PHKA2: variants seen among roughly 807,000 people sequenced by gnomAD.
The protein encoded by PHKA2 is phosphorylase kinase regulatory subunit alpha 2.
PHKA2 carries 31 observed loss-of-function variants against 102.0 expected under a neutral mutation model. That is an observed-to-expected ratio of 0.30 (90% CI 0.23 to 0.41). The LOEUF is 0.41. Ranked by LOEUF, PHKA2 falls within the 10% of genes least tolerant of loss-of-function variation. PHKA2 has a pLI of 1.00. For missense variants in PHKA2, 858 were observed against 1,023.1 expected (o/e 0.84, Z 2.20); for synonymous variants, 455 against 416.2 (o/e 1.09, Z -1.13).
At chrX:18,938,001 G>A (rs1158955031) in intron 10 of PHKA2, among the ~76,000 whole-genome samples, 1 of 112,246 alleles carries the variant, frequency 8.9e-6, no homozygotes, top group African/African-American at 3.2e-5. Context: ...AAACCTGTCT[G>A]TGATGGAATG....
intron 7 of PHKA2, among the ~76,000 whole-genome samples, chrX:18,942,463 G>A (rs2048508671): frequency 9.0e-6 from 1 of 111,673 alleles, no homozygotes; most frequent in South Asian, 3.7e-4. Flanking sequence ...ACTTCGAGCA[G>A]CTAGTAAGTG....
chrX:18,903,062 T>C (rs2047727996), intron 26 of PHKA2, among the ~76,000 whole-genome samples: 1 of 112,468 alleles, frequency 8.9e-6, no homozygotes, highest in Non-Finnish European at 1.9e-5. Flanking sequence ...TTTTTCCCTA[T>C]GACTGTGTAT....
intron 12 of PHKA2, among the ~76,000 whole-genome samples, chrX:18,930,643 G>A (rs2048298220): frequency 9.0e-6 from 1 of 111,444 alleles, no homozygotes; most frequent in Non-Finnish European, 1.9e-5. Flanking sequence ...GAGAACTAGT[G>A]AGAGACAGGG....
chrX:18,940,104 T>A, intron 8 of PHKA2, 56 bp from the exon 9 acceptor site: 1 of 808,458 alleles, frequency 1.2e-6, no homozygotes, highest in Non-Finnish European at 1.9e-6. Context: ...CCTTTTTAAT[T>A]CAAGTCAGCC....
At chrX:18,963,123 C>G (rs938674705) in intron 1 of PHKA2, among the ~76,000 whole-genome samples, 1 of 112,875 alleles carries the variant, frequency 8.9e-6, no homozygotes, top group Admixed American at 9.3e-5. Context: ...GCCTGTCCAG[C>G]CCCTGTCTCC....
intron 18 of PHKA2, among the ~76,000 whole-genome samples, chrX:18,919,728 C>CAAAAAAAAAAAAAAAAA (rs56042937): frequency 1.5e-4 from 4 of 27,526 alleles, no homozygotes; most frequent in Admixed American, 5.3e-4. Context: ...CAAACAACAA[C>CAAAAAAAAAAAAAAAAA]AAAAAAAAAA....
At chrX:18,938,774 T>C in intron 9 of PHKA2, 25 bp from the exon 10 acceptor site, 4 of 1,180,556 alleles carry the variant, frequency 3.4e-6, no homozygotes, top group Non-Finnish European at 4.6e-6. Flanking sequence ...GTCAAACTTT[T>C]AAAAGGTGAT....
rs778307231 is a variant in PHKA2 at position 18,906,674 on chromosome X, T to C, written c.2677-50A>G. On this transcript the variant is annotated intron_variant, in intron 24 of 32. Transcript: ENST00000379942. ...GGGTTTCAGAGACAGGGTGAGTGGC[T>C]GAAGGGTCCCCTCCACTCTGAGGAA... 7 of 1,182,856 alleles carry C rather than the reference T, an allele frequency of 5.9e-6. No individual in the cohort carries two copies. The South Asian group carries it at 7.1e-5, about 12-fold the overall frequency.
At position 18,897,284 on chromosome X, in the gene PHKA2, C is replaced by T. The variant is rs1345723675; in HGVS notation, c.3161G>A (p.Gly1054Glu). Residue 1054 changes from glycine (G) to glutamate (E), a missense_variant, in exon 30 of 33, where the codon GGA becomes GAA. Physicochemically the swap from Gly to Glu is moderately conservative, Grantham distance 98 (BLOSUM62 -2). Around this residue, in one of 2 missense-constraint regions of PHKA2, gnomAD observed 671 missense variants for 745.2 expected, o/e 0.90. Coordinates refer to ENST00000379942, the MANE Select transcript of PHKA2 (RefSeq NM_000292.3). ...CTCACCCCAGCCGATGTGATGTCCT[C>T]CCGAGTCTGAGGATGACGTGCCAGT... ...SPTGTSSSDS[G>E]GHHIGWGERQ... The T allele has an allele frequency of 8.3e-7, 1 of 1,209,423 alleles. No homozygotes were observed. The highest frequency in any genetic ancestry group is 1.1e-6 in the Non-Finnish European group (1 of 895,101).
intron 29 of PHKA2, chrX:18,897,621 G>A: frequency 2.8e-6 from 1 of 353,933 alleles, no homozygotes; most frequent in Non-Finnish European, 5.0e-6. Context: ...GGCGAGCACG[G>A]GCTTGGGGGT....
chrX:18,973,010 G>T (rs1425308168), intron 1 of PHKA2, among the ~76,000 whole-genome samples: 1 of 111,735 alleles, frequency 8.9e-6, no homozygotes, highest in Non-Finnish European at 1.9e-5. Flanking sequence ...TGTCTAAGAG[G>T]TGCTTTTTCT....
intron 29 of PHKA2, chrX:18,897,576 C>G: frequency 2.4e-6 from 1 of 415,299 alleles, no homozygotes; most frequent in Non-Finnish European, 4.2e-6. Flanking sequence ...AGTCCCACCC[C>G]CAAAGCTAGA....
rs182304656 is a variant in PHKA2 at position 18,902,198 on chromosome X, C to T, written c.2909-595G>A. On this transcript the variant is annotated intron_variant, in intron 26 of 32. Coordinates refer to ENST00000379942, the MANE Select transcript of PHKA2 (RefSeq NM_000292.3). ...GCTCTGTTCCCGAGGCTGGAGTGTGCGATCTTGGCTCACTGCAACCTCTGC... is the reference window on the plus strand; with the variant it reads ...GCTCTGTTCCCGAGGCTGGAGTGTGTGATCTTGGCTCACTGCAACCTCTGC... Among the ~76,000 whole-genome samples the T allele has an allele frequency of 1.5e-3, 165 of 109,391 alleles. 1 individual carries two copies. The highest frequency in any genetic ancestry group is 2.4e-3 in the African/African-American group (71 of 29,995). 95.0% of individuals were successfully genotyped at this position (109,391 alleles called of 115,157 possible).
At chrX:18,976,223 C>T (rs1379819476) in intron 1 of PHKA2, among the ~76,000 whole-genome samples, 1 of 111,075 alleles carries the variant, frequency 9.0e-6, no homozygotes, top group Non-Finnish European at 1.9e-5. Context: ...GATCCACCTG[C>T]CTTGGCCTCC....
chrX:18,932,655 A>G (rs1198858910), intron 11 of PHKA2, among the ~76,000 whole-genome samples: 1 of 111,334 alleles, frequency 9.0e-6, no homozygotes, highest in African/African-American at 3.3e-5. Flanking sequence ...CAATAGGACA[A>G]TAGTGTGGAA....
intron 1 of PHKA2, among the ~76,000 whole-genome samples, chrX:18,970,793 C>G (rs1460298118): frequency 1.8e-5 from 2 of 112,175 alleles, no homozygotes; most frequent in African/African-American, 6.5e-5. Flanking sequence ...TACCTAATCA[C>G]CAATCCAATT....
Position 18,952,477 on chromosome X carries a change from G to A in PHKA2, c.285+17C>T. On this transcript the variant is annotated intron_variant, in intron 3 of 32. Coordinates refer to ENST00000379942, the MANE Select transcript of PHKA2 (RefSeq NM_000292.3). Reference sequence around the variant, plus strand: ...TGGAATGCCCACTTGGCAAACACGTGTGTGGGTTCTGCCTACCTGTCTCAT... The same window carrying A: ...TGGAATGCCCACTTGGCAAACACGTATGTGGGTTCTGCCTACCTGTCTCAT... 8.3e-7 allele frequency: 1 copy of A among 1,199,285 alleles called. No homozygotes were observed. Among genetic ancestry groups the A allele is most frequent in the Non-Finnish European group, 1.1e-6 (1 of 883,917 alleles).
chrX:18,921,379 T>C (rs1299275971), intron 17 of PHKA2, among the ~76,000 whole-genome samples: 2 of 110,889 alleles, frequency 1.8e-5, no homozygotes, highest in African/African-American at 6.6e-5. Context: ...TGAGCCGAGA[T>C]CGCGCCACTG....
intron 25 of PHKA2, 115 bp from the exon 26 acceptor site, chrX:18,905,974 C>A (rs1348057723): frequency 3.7e-6 from 2 of 540,252 alleles, no homozygotes; most frequent in Non-Finnish European, 6.6e-6. Flanking sequence ...GCAGGTCCCC[C>A]TGTTCAGGAG....
Sources: allele counts gnomAD v4.1 joint callset (sites outside exome capture counted in the v4.1 genomes callset), GRCh38; gene constraint gnomAD v4.1.1; regional missense constraint gnomAD v4.1.1; transcripts MANE v1.5; gene names NCBI Gene and HGNC (gene_info 2026-07-23, HGNC 2026-07-21).